CCDC85C: variants seen among roughly 807,000 people sequenced by gnomAD.
The protein encoded by CCDC85C is coiled-coil domain-containing protein 85C.
A neutral mutation model predicts 38.3 loss-of-function variants in CCDC85C; 18 were observed. The observed-to-expected ratio is 0.47, with a 90% CI of 0.33 to 0.70. The LOEUF (loss-of-function observed/expected upper bound fraction) is 0.70, where lower values mean the gene tolerates loss of function less well. Ranked by LOEUF, CCDC85C falls within the 30% of genes least tolerant of loss-of-function variation. The pLI, the probability that CCDC85C is intolerant of heterozygous loss-of-function variation, is 0.03. For synonymous variants in CCDC85C, 264 were observed against 293.8 expected (o/e 0.90, Z 1.04); for missense variants, 566 against 621.2 (o/e 0.91, Z 0.94).
rs1359560301 is a variant in CCDC85C, at chr14:99,510,545, T to C, written c.*4701A>G. 6.2e-6 allele frequency: 2 copies of C among 323,082 alleles called. No homozygotes were observed. The highest frequency in any genetic ancestry group is 9.5e-5 in the East Asian group (1 of 10,526). The allele number at this position is 323,082 out of a possible 1,614,324, so 20.0% of individuals were successfully genotyped here. A position where few individuals can be genotyped will look rare whatever the true frequency, so the allele number is the denominator to read the frequency against. On this transcript the variant is annotated 3_prime_UTR_variant, in exon 6 of 6. Coordinates refer to ENST00000380243, the MANE Select transcript of CCDC85C (RefSeq NM_001144995.2). The stretch of plus-strand genomic sequence containing the variant: ...TCCCCCCACCTGCCATCCCACCCCC[T>C]ACTCCTGGCTACCCCCCACCCCCAC...
intron 1 of CCDC85C, among the ~76,000 whole-genome samples, chr14:99,574,294 T>A (rs1566778996): frequency 6.6e-6 from 1 of 152,110 alleles, no homozygotes; most frequent in Non-Finnish European, 1.5e-5. Flanking sequence ...TCCAGGGATT[T>A]TTTTTTGTCT....
At chr14:99,542,860 C>G (rs1365426143) in intron 1 of CCDC85C, among the ~76,000 whole-genome samples, 3 of 152,234 alleles carry the variant, frequency 2.0e-5, no homozygotes, top group Non-Finnish European at 2.9e-5. Context: ...CCCAGCGAGG[C>G]CTGGGGCGCT....
rs1302182253 is a variant in CCDC85C at position 99,510,460 on chromosome 14, AC to A, written c.*4785del. The A allele has an allele frequency of 8.9e-7, 1 of 1,120,368 alleles. No individual in the cohort carries two copies. Among genetic ancestry groups the A allele is most frequent in the Admixed American group, 3.4e-5 (1 of 29,418 alleles). 69.4% of individuals were successfully genotyped at this position (1,120,368 alleles called of 1,614,324 possible). ...GGCCCACCTGCACACCTGCCCTACC[AC>A]CCCCATGTCTACCCGCCCAACCCGC... On this transcript the variant is annotated 3_prime_UTR_variant, in exon 6 of 6. Transcript: ENST00000380243.
chr14:99,510,836 C>A lies in CCDC85C; in HGVS notation c.*4410G>T. 1 of 1,364,568 alleles carries A rather than the reference C, an allele frequency of 7.3e-7. No individual in the cohort carries two copies. The highest frequency in any genetic ancestry group is 2.1e-5 in the South Asian group (1 of 48,606). The allele number at this position is 1,364,568 out of a possible 1,614,324, so 84.5% of individuals were successfully genotyped here. Reference sequence around the variant, plus strand: ...TTAACAAGATTTTCTAATCGACTTGCAGAGTAGTTGAAGTGGGTAAGCAGC... The same window carrying A: ...TTAACAAGATTTTCTAATCGACTTGAAGAGTAGTTGAAGTGGGTAAGCAGC... On this transcript the variant is annotated 3_prime_UTR_variant, in exon 6 of 6. Transcript: ENST00000380243.
chr14:99,599,442 G>C (rs1453070296), intron 1 of CCDC85C, among the ~76,000 whole-genome samples: 1 of 152,142 alleles, frequency 6.6e-6, no homozygotes, highest in African/African-American at 2.4e-5. Context: ...GCTGGAAAAA[G>C]AACTGAAAAT....
intron 2 of CCDC85C, among the ~76,000 whole-genome samples, chr14:99,524,961 A>T (rs1897355701): frequency 6.6e-6 from 1 of 152,216 alleles, no homozygotes; most frequent in South Asian, 2.1e-4. Context: ...GATTTCCCGA[A>T]TCCTTAACAG....
intron 1 of CCDC85C, among the ~76,000 whole-genome samples, chr14:99,582,368 G>A (rs565673694): frequency 6.6e-6 from 1 of 152,270 alleles, no homozygotes; most frequent in Admixed American, 6.5e-5. Context: ...CTCCACCTGC[G>A]CATGTAAAAA....
In CCDC85C at chr14:99,516,959, C is replaced by T. The variant is rs1362296094; in HGVS notation, c.1071+129G>A. ...ACAGTGCTCCAGGCAGCCATGGTCA[C>T]CCAGCCACCCACACACAGATGAAAC... On this transcript the variant is annotated intron_variant, in intron 4 of 5. Coordinates refer to ENST00000380243, the MANE Select transcript of CCDC85C (RefSeq NM_001144995.2). This position sits in a 1 kb window ranked among gnomAD's most constrained non-coding sequence, Gnocchi z 5.5. The T allele has an allele frequency of 2.0e-5, 17 of 863,850 alleles. No homozygotes were observed. In the Admixed American group the frequency reaches 3.5e-4, roughly 18 times the overall value. 53.5% of individuals were successfully genotyped at this position (863,850 alleles called of 1,614,324 possible).
At position 99,503,131 on chromosome 14, in the gene CCDC85C, G is replaced by A. The variant is rs1488460804; in HGVS notation, c.*12115C>T. The A allele has an allele frequency of 8.5e-6, 8 of 938,958 alleles. No homozygotes were observed. Among genetic ancestry groups the A allele is most frequent in the Non-Finnish European group, 1.4e-5 (8 of 588,534 alleles). 58.2% of individuals were successfully genotyped at this position (938,958 alleles called of 1,614,324 possible). ...CTCGCAGTCCGACTGCTTGTCGGTG[G>A]GGAGCCTGAAAACAAAGGTGCTCCA... On this transcript the variant is annotated 3_prime_UTR_variant, in exon 6 of 6. Transcript: ENST00000380243.
chr14:99,601,002 G>C (rs946667653), intron 1 of CCDC85C, among the ~76,000 whole-genome samples: 3 of 152,146 alleles, frequency 2.0e-5, no homozygotes, highest in Non-Finnish European at 4.4e-5. Flanking sequence ...TCTAGCCTGG[G>C]TGACAGAGTG....
chr14:99,510,471 TACCCGCCCA>T lies in CCDC85C; in HGVS notation c.*4766_*4774del, dbSNP rs1566755383. The T allele has an allele frequency of 2.5e-6, 3 of 1,187,976 alleles. No individual in the cohort carries two copies. Among genetic ancestry groups the T allele is most frequent in the Admixed American group, 2.9e-5 (1 of 34,436 alleles). 73.6% of individuals were successfully genotyped at this position (1,187,976 alleles called of 1,614,324 possible). ...ACACCTGCCCTACCACCCCCATGTC[TACCCGCCCA>T]ACCCGCCCCCGCCACCTGTGCCTCC... On this transcript the variant is annotated 3_prime_UTR_variant, in exon 6 of 6. Transcript: ENST00000380243.
chr14:99,596,070 C>T (rs997139281), intron 1 of CCDC85C, among the ~76,000 whole-genome samples: 1 of 152,238 alleles, frequency 6.6e-6, no homozygotes, highest in Non-Finnish European at 1.5e-5. Flanking sequence ...ATGTGGCTGG[C>T]CCTGGGGTGG....
chr14:99,589,801 TC>T (rs1303800049), intron 1 of CCDC85C, among the ~76,000 whole-genome samples: 1 of 152,046 alleles, frequency 6.6e-6, no homozygotes, highest in Non-Finnish European at 1.5e-5. Flanking sequence ...TCTGTCATGA[TC>T]CCCAAAATAA....
At position 99,526,108 on chromosome 14, in the gene CCDC85C, C is replaced by A. The variant is rs188938178; in HGVS notation, c.868-3868G>T. Among the ~76,000 whole-genome samples, 425 of 152,306 alleles carry A rather than the reference C, an allele frequency of 2.8e-3. 1 individual carries two copies. Among genetic ancestry groups the A allele is most frequent in the African/African-American group, 9.7e-3 (402 of 41,576 alleles). On this transcript the variant is annotated intron_variant, in intron 2 of 5. Transcript: ENST00000380243. ...GACACTGTGGGGCTCAGGGAGAGGA[C>A]CCCAACACAGGCCTCCCCCAGCCCA...
In CCDC85C at chr14:99,516,422, AGCGTGG is replaced by A; in HGVS notation, c.1072-142_1072-137del. 1.6e-6 allele frequency: 1 copy of A among 644,684 alleles called. No homozygotes were observed. Among genetic ancestry groups the A allele is most frequent in the South Asian group, 1.9e-5 (1 of 53,546 alleles). 39.9% of individuals were successfully genotyped at this position (644,684 alleles called of 1,614,324 possible). Reference sequence around the variant, plus strand: ...CTGAGCCGCTGGGCCCCTGGGGACAAGCGTGGAAAAAACTGAGGGGCAGGTTGTCAT... The same window carrying A: ...CTGAGCCGCTGGGCCCCTGGGGACAAAAAAAACTGAGGGGCAGGTTGTCAT... On this transcript the variant is annotated intron_variant, in intron 4 of 5. Coordinates refer to ENST00000380243, the MANE Select transcript of CCDC85C (RefSeq NM_001144995.2). The surrounding 1 kb of genome is among the most constrained non-coding windows in gnomAD (Gnocchi z 5.5).
chr14:99,536,460 G>A (rs1476743253), intron 1 of CCDC85C, among the ~76,000 whole-genome samples: 2 of 152,186 alleles, frequency 1.3e-5, no homozygotes, highest in African/African-American at 4.8e-5. Flanking sequence ...CAGCTTCCAA[G>A]ATGCTGCAGG....
In CCDC85C at chr14:99,515,182, TG is replaced by T; in HGVS notation, c.*63del. The T allele has an allele frequency of 1.6e-6, 2 of 1,222,478 alleles. No homozygotes were observed. The highest frequency in any genetic ancestry group is 2.3e-6 in the Non-Finnish European group (2 of 857,988). 75.7% of individuals were successfully genotyped at this position (1,222,478 alleles called of 1,614,324 possible). A position where few individuals can be genotyped will look rare whatever the true frequency, so the allele number is the denominator to read the frequency against. On this transcript the variant is annotated 3_prime_UTR_variant, in exon 6 of 6. Coordinates refer to ENST00000380243, the MANE Select transcript of CCDC85C (RefSeq NM_001144995.2). Reference sequence around the variant, plus strand: ...CTGGGCTGGAGGTCCTGCCCGTGTCTGGGGCCTGAAACTCCCCCTGGGGACC... The same window carrying T: ...CTGGGCTGGAGGTCCTGCCCGTGTCTGGGCCTGAAACTCCCCCTGGGGACC...
intron 2 of CCDC85C, among the ~76,000 whole-genome samples, chr14:99,523,879 T>C (rs55898525): frequency 0.011 from 1,705 of 152,108 alleles, 26 homozygotes; most frequent in South Asian, 0.087. Context: ...CTAGGTTAAC[T>C]AGAGGCACTC....
chr14:99,577,875 G>GTA (rs1898522291), intron 1 of CCDC85C, among the ~76,000 whole-genome samples: 2 of 138,450 alleles, frequency 1.4e-5, no homozygotes, highest in African/African-American at 5.6e-5. Flanking sequence ...GTGTGCGTGT[G>GTA]CACATCTCCA....
Sources: gnomAD v4.1 joint callset for allele counts (sites outside exome capture counted in the v4.1 genomes callset) on GRCh38, gnomAD v4.1.1 for gene constraint, Gnocchi (gnomAD v3.1) non-coding constraint, MANE v1.5 for transcripts, NCBI Gene and HGNC (gene_info 2026-07-23, HGNC 2026-07-21) for gene names.